The following UBAP1 variants were observed in gnomAD, a reference collection of about 807,000 sequenced individuals.
UBAP1 encodes ubiquitin-associated protein 1.
Under a neutral mutation model 39.0 loss-of-function variants are expected in UBAP1, and 5 were observed. That is an observed-to-expected ratio of 0.13 (90% CI 0.07 to 0.27). The LOEUF (loss-of-function observed/expected upper bound fraction) is 0.27, where lower values mean the gene tolerates loss of function less well. Ranked by LOEUF, UBAP1 falls within the 10% of genes least tolerant of loss-of-function variation. The pLI is 1.00. For synonymous variants in UBAP1, 211 were observed against 225.1 expected (o/e 0.94, Z 0.56); for missense variants, 490 against 608.1 (o/e 0.81, Z 2.04).
chr9:34,211,522 A>G (rs778921087), intron 1 of UBAP1, among the ~76,000 whole-genome samples: 1 of 152,104 alleles, frequency 6.6e-6, no homozygotes, highest in African/African-American at 2.4e-5. Context: ...TTGTTTTGGG[A>G]AGCATTTTTA....
chr9:34,239,730 G>A (rs1479798903), intron 3 of UBAP1, among the ~76,000 whole-genome samples: 1 of 152,132 alleles, frequency 6.6e-6, no homozygotes, highest in African/African-American at 2.4e-5. Context: ...GTAAAGGGAG[G>A]ATGAGGATGA....
intron 1 of UBAP1, among the ~76,000 whole-genome samples, chr9:34,190,478 TG>T (rs1235926374): frequency 2.0e-5 from 3 of 150,678 alleles, no homozygotes; most frequent in Non-Finnish European, 4.4e-5. Context: ...TTAGTGGAGA[TG>T]GGGTTTCACC....
chr9:34,225,905 C>T (rs143142584), intron 2 of UBAP1, among the ~76,000 whole-genome samples: 1 of 151,638 alleles, frequency 6.6e-6, no homozygotes, highest in Non-Finnish European at 1.5e-5. Context: ...AAAAAATAGA[C>T]CCCGTGATAA....
intron 1 of UBAP1, among the ~76,000 whole-genome samples, chr9:34,188,185 A>G (rs1258573067): frequency 6.8e-6 from 1 of 147,176 alleles, no homozygotes; most frequent in Non-Finnish European, 1.5e-5. Flanking sequence ...TACAACCACC[A>G]GATTAAAAAT....
Position 34,241,238 on chromosome 9 carries a change from A to G in UBAP1, c.213A>G (p.Lys71=). The G allele has an allele frequency of 6.7e-7, 1 of 1,502,438 alleles. No individual in the cohort carries two copies. Among genetic ancestry groups the G allele is most frequent in the Non-Finnish European group, 8.9e-7 (1 of 1,126,886 alleles). 93.1% of individuals were successfully genotyped at this position (1,502,438 alleles called of 1,614,324 possible). A position where few individuals can be genotyped will look rare whatever the true frequency, so the allele number is the denominator to read the frequency against. Reference sequence around the variant, plus strand: ...TTGAGTGGGCTGAAGAGATTAAGAAAATCGAAGAAGCCGAGCGGGAAGCAG... The same window carrying G: ...TTGAGTGGGCTGAAGAGATTAAGAAGATCGAAGAAGCCGAGCGGGAAGCAG... ...KTIEWAEEIK[K]IEEAEREAEC... Residue 71 remains lysine, a synonymous_variant, in exon 4 of 7, where the codon AAA becomes AAG. Coordinates refer to ENST00000297661, the MANE Select transcript of UBAP1 (RefSeq NM_016525.5).
Position 34,214,563 on chromosome 9 carries a change from T to A in UBAP1, c.-7-6345T>A, listed in dbSNP as rs141536673. 2.1e-3 allele frequency among the ~76,000 whole-genome samples: 316 copies of A among 152,306 alleles called. 1 individual carries two copies. The highest frequency in any genetic ancestry group is 6.9e-3 in the African/African-American group (288 of 41,558). ...CTAGAAGGTATCATTGGAAAAACCC[T>A]TCTAGACATTGGCTTAGGCGAGGAT... On this transcript the variant is annotated intron_variant, in intron 1 of 6. Coordinates refer to ENST00000297661, the MANE Select transcript of UBAP1 (RefSeq NM_016525.5).
chr9:34,214,991 G>C (rs1475011864), intron 1 of UBAP1, among the ~76,000 whole-genome samples: 1 of 152,286 alleles, frequency 6.6e-6, no homozygotes, highest in Non-Finnish European at 1.5e-5. Flanking sequence ...TGTTGGCGTG[G>C]ATGCAGTGAT....
At chr9:34,222,541 C>G (rs1234397080) in intron 2 of UBAP1, among the ~76,000 whole-genome samples, 1 of 151,934 alleles carries the variant, frequency 6.6e-6, no homozygotes, top group Non-Finnish European at 1.5e-5. Flanking sequence ...CCTGTAATCC[C>G]AACAGTAGAT....
Position 34,234,426 on chromosome 9 carries a change from C to T in UBAP1, c.159+86C>T, listed in dbSNP as rs573208667. ...ATGTATAGTGAAATAGAAAAAATTA[C>T]AGTTGTGAGCTGAATCATGTTTTGG... On this transcript the variant is annotated intron_variant, in intron 3 of 6. Transcript: ENST00000297661. The T allele has an allele frequency of 4.2e-6, 6 of 1,425,156 alleles. 1 individual carries two copies. The South Asian group carries it at 8.5e-5, about 20-fold the overall frequency. The allele number at this position is 1,425,156 out of a possible 1,614,324, so 88.3% of individuals were successfully genotyped here.
intron 1 of UBAP1, among the ~76,000 whole-genome samples, chr9:34,184,475 G>GA (rs1269023821): frequency 5.3e-5 from 8 of 150,858 alleles, no homozygotes; most frequent in Admixed American, 3.3e-4. Context: ...ACTAAAAATA[G>GA]AAAAAATTAG....
At chr9:34,198,859 G>A (rs1292246342) in intron 1 of UBAP1, among the ~76,000 whole-genome samples, 1 of 152,156 alleles carries the variant, frequency 6.6e-6, no homozygotes, top group Non-Finnish European at 1.5e-5. Flanking sequence ...CCCCATGTGG[G>A]CCTGGTGAGG....
At chr9:34,196,244 A>C (rs1417506458) in intron 1 of UBAP1, among the ~76,000 whole-genome samples, 2 of 150,878 alleles carry the variant, frequency 1.3e-5, no homozygotes, top group African/African-American at 2.4e-5. Flanking sequence ...GCTGAAGTTT[A>C]TCCTCCTACC....
chr9:34,231,313 C>T (rs1056420259), intron 2 of UBAP1, among the ~76,000 whole-genome samples: 10 of 152,006 alleles, frequency 6.6e-5, no homozygotes, highest in Non-Finnish European at 1.2e-4. Flanking sequence ...GCAACTTCTG[C>T]CTCCCAGGTT....
intron 3 of UBAP1, 102 bp from the exon 4 acceptor site, chr9:34,241,083 C>T (rs779126824): frequency 6.3e-5 from 51 of 810,346 alleles, no homozygotes; most frequent in Non-Finnish European, 8.5e-5. Context: ...CTGCCTTGTC[C>T]GGTTATCCTC....
chr9:34,237,489 C>G (rs1833760828), intron 3 of UBAP1, among the ~76,000 whole-genome samples: 1 of 152,010 alleles, frequency 6.6e-6, no homozygotes, highest in African/African-American at 2.4e-5. Context: ...GAGGGAACTT[C>G]AGTTACTTTT....
Position 34,192,970 on chromosome 9 carries a change from G to A in UBAP1, c.-8+13730G>A, listed in dbSNP as rs539917215. Among the ~76,000 whole-genome samples, 11 of 152,118 alleles carry A rather than the reference G, an allele frequency of 7.2e-5. No homozygotes were observed. The South Asian group carries it at 2.3e-3, about 32-fold the overall frequency. The stretch of plus-strand genomic sequence containing the variant: ...GTAATACTGCTATTATAGCTGATAA[G>A]TACAATCTAAAATCTTTGCTATTCT... On this transcript the variant is annotated intron_variant, in intron 1 of 6. Coordinates refer to ENST00000297661, the MANE Select transcript of UBAP1 (RefSeq NM_016525.5).
chr9:34,238,531 G>C (rs1206314258), intron 3 of UBAP1, among the ~76,000 whole-genome samples: 1 of 152,062 alleles, frequency 6.6e-6, no homozygotes, highest in African/African-American at 2.4e-5. Context: ...TTATTAACTC[G>C]TTTTCATTAT....
At chr9:34,192,513 C>T (rs10971987) in intron 1 of UBAP1, among the ~76,000 whole-genome samples, 46,684 of 90,224 alleles carry the variant, frequency 0.52, 8,782 homozygotes, top group East Asian at 0.78. Context: ...GAGACTCCAT[C>T]TCAAAAAAAA....
intron 1 of UBAP1, among the ~76,000 whole-genome samples, chr9:34,206,801 C>A (rs1299849827): frequency 6.6e-6 from 1 of 151,868 alleles, no homozygotes; most frequent in East Asian, 1.9e-4. Flanking sequence ...GCATCGGATT[C>A]TGCTTTTTTC....
Sources: gnomAD v4.1 joint callset for allele counts (sites outside exome capture counted in the v4.1 genomes callset) on GRCh38, gnomAD v4.1.1 for gene constraint, MANE v1.5 for transcripts, NCBI Gene and HGNC (gene_info 2026-07-23, HGNC 2026-07-21) for gene names.